TBC1D22A: variants seen among roughly 807,000 people sequenced by gnomAD.
The protein encoded by TBC1D22A is TBC1 domain family member 22A.
A neutral mutation model predicts 60.2 loss-of-function variants in TBC1D22A; 38 were observed. The ratio of observed to expected loss-of-function variants is 0.63; its 90% CI spans 0.49 to 0.83. The LOEUF (loss-of-function observed/expected upper bound fraction) is 0.83. Ranked by LOEUF, TBC1D22A falls within the 40% of genes least tolerant of loss-of-function variation. The pLI, the probability that TBC1D22A is intolerant of heterozygous loss-of-function variation, is 0.00. For synonymous variants in TBC1D22A, 302 were observed against 281.7 expected (o/e 1.07, Z -0.72); for missense variants, 628 against 701.0 (o/e 0.90, Z 1.18).
intron 4 of TBC1D22A, among the ~76,000 whole-genome samples, chr22:46,864,277 A>G (rs570813205): frequency 6.6e-6 from 1 of 152,236 alleles, no homozygotes; most frequent in Non-Finnish European, 1.5e-5. Context: ...CTGCCAGGCA[A>G]CAAGCATCTG....
At chr22:47,033,953 C>G (rs114172733) in intron 10 of TBC1D22A, among the ~76,000 whole-genome samples, 2 of 152,078 alleles carry the variant, frequency 1.3e-5, no homozygotes, top group Admixed American at 6.5e-5. Context: ...CACCTCCTGG[C>G]ACCCCCTTTG....
chr22:46,826,074 G>T (rs563184516), intron 4 of TBC1D22A, among the ~76,000 whole-genome samples: 1 of 151,844 alleles, frequency 6.6e-6, no homozygotes, highest in Non-Finnish European at 1.5e-5. Context: ...AGTGAGATGG[G>T]GTTTCACCGT....
chr22:46,816,352 A>G (rs1254454271), intron 4 of TBC1D22A, among the ~76,000 whole-genome samples: 1 of 152,164 alleles, frequency 6.6e-6, no homozygotes, highest in Non-Finnish European at 1.5e-5. Context: ...TAAACTGAAG[A>G]GTAAGCTCTG....
At chr22:47,007,672 C>T (rs1465842320) in intron 10 of TBC1D22A, among the ~76,000 whole-genome samples, 1 of 144,852 alleles carries the variant, frequency 6.9e-6, no homozygotes, top group Non-Finnish European at 1.5e-5. Flanking sequence ...ATAGCCCTTC[C>T]TGGGTGGGTG....
At chr22:47,080,115 A>G (rs1444450579) in intron 11 of TBC1D22A, among the ~76,000 whole-genome samples, 1 of 151,842 alleles carries the variant, frequency 6.6e-6, no homozygotes, top group East Asian at 1.9e-4. Flanking sequence ...CAGGACTTCT[A>G]ATTACATGAA....
chr22:46,836,360 A>G (rs1233373927), intron 4 of TBC1D22A, among the ~76,000 whole-genome samples: 2 of 152,240 alleles, frequency 1.3e-5, no homozygotes, highest in South Asian at 2.1e-4. Flanking sequence ...CTAAAAGTAT[A>G]AAGTTTTTGT....
At chr22:46,958,959 TC>T (rs2073352152) in intron 8 of TBC1D22A, among the ~76,000 whole-genome samples, 1 of 152,198 alleles carries the variant, frequency 6.6e-6, no homozygotes, top group South Asian at 2.1e-4. Context: ...TGCTCATTCT[TC>T]CCGCTGCTTG....
intron 8 of TBC1D22A, among the ~76,000 whole-genome samples, chr22:46,935,278 C>T (rs1273634132): frequency 1.3e-5 from 2 of 152,216 alleles, no homozygotes; most frequent in Non-Finnish European, 2.9e-5. Context: ...CCCTGTATTT[C>T]AGCAAATTAG....
At chr22:47,040,521 G>C (rs9615452) in intron 11 of TBC1D22A, among the ~76,000 whole-genome samples, 50,468 of 150,980 alleles carry the variant, frequency 0.33, 9,503 homozygotes, top group Middle Eastern at 0.58. Flanking sequence ...AGAGGGCATC[G>C]GTAAGTCTGA....
intron 12 of TBC1D22A, among the ~76,000 whole-genome samples, chr22:47,140,814 T>C (rs1358074614): frequency 6.6e-6 from 1 of 152,150 alleles, no homozygotes; most frequent in East Asian, 1.9e-4. Context: ...TGGGGCGGCT[T>C]ATCACAAAGT....
chr22:46,924,756 C>A (rs966580577), intron 8 of TBC1D22A, among the ~76,000 whole-genome samples: 3 of 133,186 alleles, frequency 2.3e-5, no homozygotes, highest in Admixed American at 1.5e-4. Context: ...AAAAAAAAAA[C>A]AAAAACAAAA....
chr22:46,893,777 C>T (rs2068527533), intron 6 of TBC1D22A, among the ~76,000 whole-genome samples: 1 of 152,254 alleles, frequency 6.6e-6, no homozygotes, highest in South Asian at 2.1e-4. Flanking sequence ...TCCTCTTCCT[C>T]CTCCTCCTCG....
intron 11 of TBC1D22A, among the ~76,000 whole-genome samples, chr22:47,049,882 G>A (rs1211946753): frequency 6.6e-6 from 1 of 152,222 alleles, no homozygotes; most frequent in Non-Finnish European, 1.5e-5. Flanking sequence ...CGTAAAAGAG[G>A]TGTTCAGGAA....
intron 4 of TBC1D22A, among the ~76,000 whole-genome samples, chr22:46,870,047 G>C (rs1280059501): frequency 1.3e-5 from 2 of 152,216 alleles, no homozygotes; most frequent in African/African-American, 4.8e-5. Context: ...ACAGAAGCGT[G>C]CTCTTGGATT....
chr22:46,990,069 G>T lies in TBC1D22A; in HGVS notation c.1126-7565G>T, dbSNP rs2074879961. Among the ~76,000 whole-genome samples, 1 of 152,216 alleles carries T rather than the reference G, an allele frequency of 6.6e-6. No homozygotes were observed. The highest frequency in any genetic ancestry group is 2.4e-5 in the African/African-American group (1 of 41,460). On this transcript the variant is annotated intron_variant, in intron 9 of 12. Transcript: ENST00000337137. This position sits in a 1 kb window ranked among gnomAD's most constrained non-coding sequence, Gnocchi z 4.6. ...GCTGCCCATGTTGGCCTCCCAAAGT[G>T]CTGGGATTACAGATGTGCGCCACCG... is the stretch of plus-strand genomic sequence containing the variant.
intron 8 of TBC1D22A, among the ~76,000 whole-genome samples, chr22:46,956,703 G>A (rs549374895): frequency 3.9e-5 from 6 of 152,288 alleles, no homozygotes; most frequent in South Asian, 2.1e-4. Context: ...TCTGTGGGGC[G>A]CGTTCCCCTC....
chr22:47,146,356 A>G (rs186043617), intron 12 of TBC1D22A, among the ~76,000 whole-genome samples: 10 of 152,326 alleles, frequency 6.6e-5, no homozygotes, highest in Middle Eastern at 3.4e-3. Flanking sequence ...TCCTGCCATC[A>G]GGTTGAAGCC....
At chr22:47,001,299 CTTTT>C (rs11331060) in intron 10 of TBC1D22A, among the ~76,000 whole-genome samples, 90 of 133,882 alleles carry the variant, frequency 6.7e-4, no homozygotes, top group Admixed American at 9.0e-4. Flanking sequence ...TTCTTTCTTT[CTTTT>C]TTTTTTTTTT....
intron 10 of TBC1D22A, among the ~76,000 whole-genome samples, chr22:47,022,652 T>C (rs1020869640): frequency 1.3e-5 from 2 of 151,940 alleles, no homozygotes; most frequent in Admixed American, 6.6e-5. Context: ...GGATGTGAGG[T>C]TGGGGAAGAA....
Sources: allele counts gnomAD v4.1 joint callset (sites outside exome capture counted in the v4.1 genomes callset), GRCh38; gene constraint gnomAD v4.1.1; non-coding constraint Gnocchi (gnomAD v3.1); transcripts MANE v1.5; gene names NCBI Gene and HGNC (gene_info 2026-07-23, HGNC 2026-07-21).